ZNF81: variants seen among roughly 807,000 people sequenced by gnomAD.
ZNF81 encodes the protein zinc finger protein 81 (HFZ20).
A neutral mutation model predicts 32.3 loss-of-function variants in ZNF81; 5 were observed. The observed-to-expected ratio is 0.15, with a 90% confidence interval of 0.08 to 0.33. The LOEUF is 0.33. ZNF81 is among the 10% of genes least tolerant of loss of function. The pLI, the probability that ZNF81 is intolerant of heterozygous loss-of-function variation, is 1.00. For missense variants in ZNF81, 379 were observed against 479.8 expected (o/e 0.79, Z 1.96); for synonymous variants, 163 against 166.8 (o/e 0.98, Z 0.17).
At chrX:47,874,404 G>A (rs138720557) in intron 2 of ZNF81, among the ~76,000 whole-genome samples, 1 of 112,294 alleles carries the variant, frequency 8.9e-6, no homozygotes, top group African/African-American at 3.2e-5. Flanking sequence ...AGCACAGCCT[G>A]CTGGTTGCAG....
chrX:47,842,921 C>T (rs2058455815), intron 1 of ZNF81, among the ~76,000 whole-genome samples: 1 of 112,191 alleles, frequency 8.9e-6, no homozygotes, highest in East Asian at 2.8e-4. Flanking sequence ...CCACCACACT[C>T]GGTTTCTTTT....
chrX:47,883,474 C>T (rs782578397), intron 2 of ZNF81, among the ~76,000 whole-genome samples: 7 of 112,171 alleles, frequency 6.2e-5, no homozygotes, highest in Non-Finnish European at 9.4e-5. Context: ...TCCATGCTTA[C>T]GTCAAGGTTG....
chrX:47,884,270 G>C (rs1429312808), intron 2 of ZNF81, among the ~76,000 whole-genome samples: 1 of 102,543 alleles, frequency 9.8e-6, no homozygotes, highest in African/African-American at 3.6e-5. Context: ...AAAAAAAAAA[G>C]GAGATTGTAA....
chrX:47,856,531 A>G lies in ZNF81; in HGVS notation c.54+10210A>G, dbSNP rs782172666. 2.7e-5 allele frequency among the ~76,000 whole-genome samples: 3 copies of G among 112,475 alleles called. No homozygotes were observed. The East Asian group carries it at 8.2e-4, about 31-fold the overall frequency. On this transcript the variant is annotated intron_variant, in intron 2 of 4. Coordinates refer to ENST00000338637, the MANE Select transcript of ZNF81 (RefSeq NM_007137.5). ...AGCAGAAATCCATCCTAGTGTTCCAATAATTACATATGGCTTAAAATCATT... is the reference window on the plus strand; with the variant it reads ...AGCAGAAATCCATCCTAGTGTTCCAGTAATTACATATGGCTTAAAATCATT...
At chrX:47,869,468 T>G (rs1448901208) in intron 2 of ZNF81, among the ~76,000 whole-genome samples, 5 of 111,489 alleles carry the variant, frequency 4.5e-5, no homozygotes, top group African/African-American at 1.6e-4. Context: ...TCTAGTAAAA[T>G]GAGATTCCTA....
At chrX:47,853,775 C>A (rs374083463) in intron 2 of ZNF81, among the ~76,000 whole-genome samples, 46 of 110,762 alleles carry the variant, frequency 4.2e-4, no homozygotes, top group African/African-American at 1.5e-3. Context: ...ATCTCAAACT[C>A]CTGGCCTCGA....
rs2058763350 is a variant in ZNF81 at position 47,918,029 on chromosome X, G to C, written c.*1397G>C. 1 of 111,007 alleles carries C rather than the reference G, an allele frequency of 9.0e-6. No homozygotes were observed. Among genetic ancestry groups the C allele is most frequent in the Admixed American group, 9.6e-5 (1 of 10,401 alleles). The allele number at this position is 111,007 out of a possible 1,213,427, so 9.1% of individuals were successfully genotyped here. On this transcript the variant is annotated 3_prime_UTR_variant, in exon 5 of 5. Transcript: ENST00000338637. ...AAAACAGTCATCACCATACTCTGTG[G>C]GAAGATAGAGAATGGACCAAACGAA...
chrX:47,871,075 G>A (rs1887800), intron 2 of ZNF81, among the ~76,000 whole-genome samples: 1 of 110,422 alleles, frequency 9.1e-6, no homozygotes, highest in Non-Finnish European at 1.9e-5. Flanking sequence ...GGTGTCAGCC[G>A]TGTGTTAACC....
chrX:47,893,132 G>A (rs188600725), intron 3 of ZNF81, among the ~76,000 whole-genome samples: 46 of 111,508 alleles, frequency 4.1e-4, no homozygotes, highest in African/African-American at 1.5e-3. Context: ...AGCCCCTGAT[G>A]GGAGGAGGGG....
At chrX:47,844,078 A>G (rs1177192650) in intron 1 of ZNF81, among the ~76,000 whole-genome samples, 1 of 112,159 alleles carries the variant, frequency 8.9e-6, no homozygotes, top group Non-Finnish European at 1.9e-5. Flanking sequence ...TAAAATTTGT[A>G]TAGCTTCTGT....
chrX:47,845,206 A>T (rs1286269130), intron 1 of ZNF81, among the ~76,000 whole-genome samples: 3 of 110,134 alleles, frequency 2.7e-5, no homozygotes, highest in East Asian at 2.8e-4. Flanking sequence ...TCCCATTCTT[A>T]CTTCCATTGT....
At chrX:47,856,247 C>T (rs1448503829) in intron 2 of ZNF81, among the ~76,000 whole-genome samples, 1 of 110,337 alleles carries the variant, frequency 9.1e-6, no homozygotes, top group Non-Finnish European at 1.9e-5. Flanking sequence ...TACAATTATT[C>T]CCACAGAAGA....
At chrX:47,840,188 T>A (rs1556879583) in intron 1 of ZNF81, among the ~76,000 whole-genome samples, 1 of 107,795 alleles carries the variant, frequency 9.3e-6, no homozygotes, top group African/African-American at 3.4e-5. Context: ...TCTTCCTATG[T>A]GTATTTCGAG....
intron 2 of ZNF81, among the ~76,000 whole-genome samples, chrX:47,853,401 C>T (rs1603172544): frequency 1.8e-5 from 2 of 111,383 alleles, no homozygotes; most frequent in Admixed American, 9.5e-5. Flanking sequence ...AGGATGGTCT[C>T]GATCTCTTAA....
intron 2 of ZNF81, among the ~76,000 whole-genome samples, chrX:47,880,339 A>G (rs1402432662): frequency 8.9e-6 from 1 of 111,884 alleles, no homozygotes; most frequent in African/African-American, 3.3e-5. Flanking sequence ...CAGCCTCCCA[A>G]GTAGCTGGGA....
At chrX:47,854,072 A>ATC (rs1569375044) in intron 2 of ZNF81, among the ~76,000 whole-genome samples, 1 of 112,699 alleles carries the variant, frequency 8.9e-6, no homozygotes, top group Non-Finnish European at 1.9e-5. Flanking sequence ...GATCTTCTGG[A>ATC]TAACTTGCTG....
At chrX:47,838,088 G>A (rs1342385799) in intron 1 of ZNF81, among the ~76,000 whole-genome samples, 1 of 111,799 alleles carries the variant, frequency 8.9e-6, no homozygotes, top group South Asian at 3.6e-4. Flanking sequence ...TAATTGTTTT[G>A]GAGTGGTCAT....
intron 4 of ZNF81, among the ~76,000 whole-genome samples, chrX:47,901,159 T>C (rs1451150637): frequency 8.9e-6 from 1 of 111,847 alleles, no homozygotes; most frequent in Non-Finnish European, 1.9e-5. Context: ...TTACATTTAC[T>C]ATCTGTAGAA....
chrX:47,921,022 A>G lies in ZNF81; in HGVS notation c.*4390A>G, dbSNP rs2058775107. 1 of 110,919 alleles carries G rather than the reference A, an allele frequency of 9.0e-6. No homozygotes were observed. The highest frequency in any genetic ancestry group is 3.8e-4 in the South Asian group (1 of 2,625). 9.1% of individuals were successfully genotyped at this position (110,919 alleles called of 1,213,427 possible). A position where few individuals can be genotyped will look rare whatever the true frequency, so the allele number is the denominator to read the frequency against. On this transcript the variant is annotated 3_prime_UTR_variant, in exon 5 of 5. Transcript: ENST00000338637. ...TTCGAGAAAACTTATGTTTTTGCAG[A>G]TTACCCAGCTTTGTTCTTGTTATAA...
Sources: allele counts gnomAD v4.1 joint callset (sites outside exome capture counted in the v4.1 genomes callset), GRCh38; gene constraint gnomAD v4.1.1; transcripts MANE v1.5; gene names NCBI Gene and HGNC (gene_info 2026-07-23, HGNC 2026-07-21).